The following AGMO variants were observed in gnomAD, a reference collection of about 807,000 sequenced individuals.
AGMO encodes the protein alkylglycerol monooxygenase, also known as glyceryl-ether monooxygenase.
In AGMO, 75 loss-of-function variants were observed where a neutral mutation model predicts 60.2. That is an observed-to-expected ratio of 1.25 (90% CI 1.03 to 1.51). The LOEUF is 1.51. AGMO is among the 40% of genes most tolerant of loss of function. AGMO has a pLI of 0.00. For missense variants in AGMO, 763 were observed against 525.5 expected (o/e 1.45, Z -4.42); for synonymous variants, 261 against 177.1 (o/e 1.47, Z -3.76).
intron 12 of AGMO, among the ~76,000 whole-genome samples, chr7:15,251,239 T>G (rs1782924583): frequency 6.6e-6 from 1 of 152,084 alleles, no homozygotes; most frequent in African/African-American, 2.4e-5. Context: ...AGTATACACA[T>G]GACCAATATG....
intron 12 of AGMO, among the ~76,000 whole-genome samples, chr7:15,357,228 T>TGTGTGTGTGTGTG (rs1782573059): frequency 6.7e-6 from 1 of 149,712 alleles, no homozygotes; most frequent in African/African-American, 2.5e-5. Context: ...TGTGTGTGTG[T>TGTGTGTGTGTGTG]TTCACCTTGA....
intron 10 of AGMO, among the ~76,000 whole-genome samples, chr7:15,382,528 C>A (rs952955251): frequency 6.6e-6 from 1 of 152,058 alleles, no homozygotes; most frequent in Non-Finnish European, 1.5e-5. Context: ...GTGTGTTTTC[C>A]TTCTTAAATA....
chr7:15,381,852 T>C (rs1457587578), intron 10 of AGMO, among the ~76,000 whole-genome samples: 1 of 152,060 alleles, frequency 6.6e-6, no homozygotes, highest in Non-Finnish European at 1.5e-5. Flanking sequence ...CCAAAAACAA[T>C]GAGGTCATGT....
chr7:15,558,357 A>T (rs906905656), intron 2 of AGMO, among the ~76,000 whole-genome samples: 1 of 152,064 alleles, frequency 6.6e-6, no homozygotes, highest in Non-Finnish European at 1.5e-5. Context: ...GGCAATTTTC[A>T]GTTATTGGGT....
At chr7:15,561,426 T>G (rs1785303794) in intron 1 of AGMO, among the ~76,000 whole-genome samples, 2 of 152,208 alleles carry the variant, frequency 1.3e-5, no homozygotes, top group Admixed American at 1.3e-4. Flanking sequence ...TCATTGAGCT[T>G]CCAATAGCTA....
chr7:15,491,373 C>T (rs573705016), intron 3 of AGMO, among the ~76,000 whole-genome samples: 1 of 152,248 alleles, frequency 6.6e-6, no homozygotes, highest in South Asian at 2.1e-4. Flanking sequence ...GCATCACTTG[C>T]TTAACTGGTT....
chr7:15,327,542 T>C (rs1358720375), intron 12 of AGMO, among the ~76,000 whole-genome samples: 2 of 151,942 alleles, frequency 1.3e-5, no homozygotes, highest in Non-Finnish European at 2.9e-5. Flanking sequence ...TCCATAAATA[T>C]TAGACAACTG....
chr7:15,452,344 AGG>A (rs1157035114), intron 3 of AGMO, among the ~76,000 whole-genome samples: 4 of 152,206 alleles, frequency 2.6e-5, no homozygotes, highest in African/African-American at 7.2e-5. Flanking sequence ...TATCTGATAA[AGG>A]TCTAGTATTT....
At chr7:15,219,297 A>G (rs1460372756) in intron 12 of AGMO, among the ~76,000 whole-genome samples, 1 of 152,190 alleles carries the variant, frequency 6.6e-6, no homozygotes, top group Non-Finnish European at 1.5e-5. Context: ...AATCTAGACA[A>G]TCAAGGAAAG....
intron 3 of AGMO, among the ~76,000 whole-genome samples, chr7:15,438,695 G>A (rs1328611031): frequency 6.6e-6 from 1 of 152,066 alleles, no homozygotes; most frequent in Non-Finnish European, 1.5e-5. Flanking sequence ...AAGGCCCTAG[G>A]GTACGCAAAG....
downstream of AGMO, among the ~76,000 whole-genome samples, chr7:15,197,305 A>G (rs1198689664): frequency 6.6e-6 from 1 of 152,164 alleles, no homozygotes; most frequent in African/African-American, 2.4e-5. Context: ...CCATATGTTA[A>G]AGAATTCCAG....
At chr7:15,321,545 G>T (rs778611024) in intron 12 of AGMO, among the ~76,000 whole-genome samples, 2 of 152,010 alleles carry the variant, frequency 1.3e-5, no homozygotes, top group Non-Finnish European at 2.9e-5. Flanking sequence ...GAAGGAAATG[G>T]TAAGATAAAA....
chr7:15,447,172 G>A (rs982774273), intron 3 of AGMO, among the ~76,000 whole-genome samples: 2 of 152,174 alleles, frequency 1.3e-5, no homozygotes, highest in Admixed American at 6.5e-5. Context: ...ATCATTAAAA[G>A]TTTTCCTAAA....
At chr7:15,544,132 A>T (rs989940982) in intron 3 of AGMO, among the ~76,000 whole-genome samples, 2 of 152,044 alleles carry the variant, frequency 1.3e-5, no homozygotes, top group Non-Finnish European at 2.9e-5. Context: ...GGAAAACCAA[A>T]CATCATATGT....
intron 12 of AGMO, among the ~76,000 whole-genome samples, chr7:15,296,257 T>C (rs1299299185): frequency 6.6e-6 from 1 of 152,130 alleles, no homozygotes; most frequent in Non-Finnish European, 1.5e-5. Flanking sequence ...GTCCACTCTC[T>C]GCAAAAATAG....
At chr7:15,455,128 G>A (rs764639027) in intron 3 of AGMO, among the ~76,000 whole-genome samples, 29 of 148,438 alleles carry the variant, frequency 2.0e-4, no homozygotes, top group Non-Finnish European at 3.4e-4. Flanking sequence ...CTTTTTTCAT[G>A]TCCTCTCAAT....
chr7:15,275,984 C>T (rs1443626538), intron 12 of AGMO, among the ~76,000 whole-genome samples: 1 of 152,002 alleles, frequency 6.6e-6, no homozygotes, highest in Admixed American at 6.6e-5. Context: ...GTCCAATTTG[C>T]CACTGTGTAT....
At chr7:15,190,127 TTATA>T in the AGMO span, among the ~76,000 whole-genome samples, 3 of 1,520 alleles carry the variant, frequency 2.0e-3, no homozygotes, top group Non-Finnish European at 3.9e-3. Flanking sequence ...ATATATATAT[TTATA>T]TATATATATA....
chr7:15,246,359 T>C (rs1163920316), intron 12 of AGMO, among the ~76,000 whole-genome samples: 2 of 152,144 alleles, frequency 1.3e-5, no homozygotes, highest in Non-Finnish European at 2.9e-5. Context: ...AGATGTTTTA[T>C]ATATTGACAT....
Sources: gnomAD v4.1 joint callset for allele counts (sites outside exome capture counted in the v4.1 genomes callset) on GRCh38, gnomAD v4.1.1 for gene constraint, MANE v1.5 for transcripts, NCBI Gene and HGNC (gene_info 2026-07-23, HGNC 2026-07-21) for gene names.